The following OSBPL1A variants were observed in gnomAD, a reference collection of about 807,000 sequenced individuals.
OSBPL1A encodes the protein oxysterol-binding protein-related protein 1.
In OSBPL1A, 80 loss-of-function variants were observed where a neutral mutation model predicts 137.1. The ratio of observed to expected loss-of-function variants is 0.58; its 90% CI spans 0.49 to 0.70. The LOEUF is 0.70. Ranked by LOEUF, OSBPL1A falls within the 30% of genes least tolerant of loss-of-function variation. The pLI, the probability that OSBPL1A is intolerant of heterozygous loss-of-function variation, is 0.00. For synonymous variants in OSBPL1A, 365 were observed against 389.7 expected (o/e 0.94, Z 0.75); for missense variants, 970 against 1,129.4 (o/e 0.86, Z 2.02).
chr18:24,286,429 T>G (rs2090068139), intron 14 of OSBPL1A, among the ~76,000 whole-genome samples: 1 of 152,174 alleles, frequency 6.6e-6, no homozygotes, highest in Admixed American at 6.5e-5. Flanking sequence ...GACCATTTAA[T>G]CTATATATCT....
At position 24,368,347 on chromosome 18, in the gene OSBPL1A, C is replaced by A; in HGVS notation, c.147G>T (p.Trp49Cys). 6.2e-7 allele frequency: 1 copy of A among 1,613,452 alleles called. No homozygotes were observed. The change falls in exon 3 of 28, where the codon TGG (tryptophan) becomes TGT (cysteine). Residue 49 changes from tryptophan (W) to cysteine (C), a missense_variant. Physicochemically the swap from Trp to Cys is radical, Grantham distance 215 (BLOSUM62 -2). Coordinates refer to ENST00000319481, the MANE Select transcript of OSBPL1A (RefSeq NM_080597.4). ...CKGRSKSNLG[W>C]TPLHLACYFG... ...AATAGCATGCCAGATGTAGAGGTGT[C>A]CAGCCCAAGTTAGACTTACTTCTTC...
intron 15 of OSBPL1A, among the ~76,000 whole-genome samples, chr18:24,241,094 C>A (rs1330103578): frequency 1.3e-5 from 2 of 152,134 alleles, no homozygotes; most frequent in African/African-American, 2.4e-5. Flanking sequence ...TGAAACTGGA[C>A]CCCTTCCTTA....
intron 16 of OSBPL1A, among the ~76,000 whole-genome samples, chr18:24,234,863 G>C (rs1228616169): frequency 1.3e-5 from 2 of 151,876 alleles, no homozygotes; most frequent in African/African-American, 4.8e-5. Context: ...TCATGATTTA[G>C]TTGTTAAAAT....
chr18:24,393,046 G>A (rs1407123853), intron 1 of OSBPL1A, among the ~76,000 whole-genome samples: 2 of 152,068 alleles, frequency 1.3e-5, no homozygotes, highest in Middle Eastern at 3.4e-3. Context: ...TTTAATACCA[G>A]CAAGGTATTA....
At chr18:24,177,958 T>C (rs45539545) in intron 21 of OSBPL1A, 55 bp downstream of exon 21, 2 of 1,521,150 alleles carry the variant, frequency 1.3e-6, no homozygotes, top group Non-Finnish European at 1.8e-6. Flanking sequence ...TGTGCATGTC[T>C]ACACTTACAG....
At chr18:24,336,858 TG>T (rs1485067282) in intron 5 of OSBPL1A, among the ~76,000 whole-genome samples, 1 of 152,194 alleles carries the variant, frequency 6.6e-6, no homozygotes, top group Non-Finnish European at 1.5e-5. Context: ...GAGTAATCAA[TG>T]ATTAGGGCAA....
intron 18 of OSBPL1A, among the ~76,000 whole-genome samples, chr18:24,186,903 CAAAAAAAAAAAAAAAAAA>C (rs57438319): frequency 1.6e-5 from 1 of 62,628 alleles, no homozygotes; most frequent in Non-Finnish European, 3.1e-5. Context: ...GACTCTGTCT[CAAAAAAAAAAAAAAAAAA>C]AAAAAAAAAA....
intron 14 of OSBPL1A, among the ~76,000 whole-genome samples, chr18:24,290,766 G>A (rs2090161642): frequency 6.6e-6 from 1 of 152,122 alleles, no homozygotes; most frequent in Admixed American, 6.6e-5. Context: ...TACATGAATG[G>A]AGGTATGTGG....
At chr18:24,374,505 AC>A (rs199711485) in intron 2 of OSBPL1A, among the ~76,000 whole-genome samples, 1 of 151,174 alleles carries the variant, frequency 6.6e-6, no homozygotes, top group Admixed American at 6.6e-5. Flanking sequence ...GCAGGAAAAG[AC>A]CCCCCCTAGA....
intron 7 of OSBPL1A, among the ~76,000 whole-genome samples, chr18:24,319,417 A>G (rs2090798839): frequency 6.6e-6 from 1 of 152,172 alleles, no homozygotes; most frequent in South Asian, 2.1e-4. Flanking sequence ...TCTTTAGCCG[A>G]CCACAGCCAC....
At chr18:24,335,263 C>A (rs935005756) in intron 5 of OSBPL1A, among the ~76,000 whole-genome samples, 2 of 152,166 alleles carry the variant, frequency 1.3e-5, no homozygotes, top group Non-Finnish European at 2.9e-5. Context: ...AATACTAACT[C>A]ATTAAATCCT....
intron 5 of OSBPL1A, among the ~76,000 whole-genome samples, chr18:24,335,143 G>A (rs1433073028): frequency 6.6e-6 from 1 of 152,094 alleles, no homozygotes; most frequent in Non-Finnish European, 1.5e-5. Context: ...TTCCTGCATC[G>A]ACTTTTCAAA....
chr18:24,305,715 C>T (rs771750360), intron 13 of OSBPL1A, among the ~76,000 whole-genome samples: 1 of 152,046 alleles, frequency 6.6e-6, no homozygotes, highest in Non-Finnish European at 1.5e-5. Flanking sequence ...AATTATAGCT[C>T]CAATAATCCC....
chr18:24,173,068 A>G (rs1339366570), intron 21 of OSBPL1A, among the ~76,000 whole-genome samples: 1 of 152,244 alleles, frequency 6.6e-6, no homozygotes, highest in East Asian at 1.9e-4. Flanking sequence ...CTATGAAGCC[A>G]TAAAAAAGAA....
At chr18:24,331,834 A>G (rs2091085088) in intron 7 of OSBPL1A, among the ~76,000 whole-genome samples, 1 of 152,208 alleles carries the variant, frequency 6.6e-6, no homozygotes, top group African/African-American at 2.4e-5. Flanking sequence ...GGCTATTGCT[A>G]AAATTCACTT....
intron 4 of OSBPL1A, among the ~76,000 whole-genome samples, chr18:24,360,820 G>A (rs1436887314): frequency 6.6e-6 from 1 of 152,102 alleles, no homozygotes; most frequent in Non-Finnish European, 1.5e-5. Flanking sequence ...GTATGTGAGT[G>A]GCCCTGTGAC....
rs190908199 is a variant in OSBPL1A at position 24,392,579 on chromosome 18, T to C, written c.-3+5076A>G. On this transcript the variant is annotated intron_variant, in intron 1 of 27. Transcript: ENST00000319481. The stretch of plus-strand genomic sequence containing the variant: ...TGTTACATTAATATTTAAAATACAT[T>C]GTATGCTAGAAATTTGAATGAGAAA... Among the ~76,000 whole-genome samples, 9 of 152,372 alleles carry C rather than the reference T, an allele frequency of 5.9e-5. No homozygotes were observed. In the East Asian group the frequency reaches 1.3e-3, roughly 23 times the overall value.
rs144136026 is a variant in OSBPL1A at position 24,167,349 on chromosome 18, G to A, written c.2515C>T (p.Arg839Trp). Residue 839 changes from arginine to tryptophan, a missense_variant, in exon 25 of 28, where the codon CGG becomes TGG. This residue lies in a region of OSBPL1A where 323 missense variants were observed against 456.8 expected (regional missense o/e 0.71). Coordinates refer to ENST00000319481, the MANE Select transcript of OSBPL1A (RefSeq NM_080597.4). ...CTCACCTGGGCAGAATTTGGAGGCC[G>A]TGGGGCTATTCGCCATAGAAGAACG... ...GSVLLWRIAP[R>W]PPNSAQMYNF... 9 of 1,614,018 alleles carry A rather than the reference G, an allele frequency of 5.6e-6. No homozygotes were observed. Among genetic ancestry groups the A allele is most frequent in the Non-Finnish European group, 6.8e-6 (8 of 1,179,986 alleles).
intron 5 of OSBPL1A, among the ~76,000 whole-genome samples, chr18:24,340,985 T>C (rs2091265051): frequency 6.6e-6 from 1 of 152,144 alleles, no homozygotes; most frequent in Non-Finnish European, 1.5e-5. Context: ...ACAGATATTT[T>C]TTCTGAGGCC....
Sources: allele counts gnomAD v4.1 joint callset (sites outside exome capture counted in the v4.1 genomes callset), GRCh38; gene constraint gnomAD v4.1.1; regional missense constraint gnomAD v4.1.1; transcripts MANE v1.5; gene names NCBI Gene and HGNC (gene_info 2026-07-23, HGNC 2026-07-21).